Variants in TMEM132B observed in about 807,000 individuals in gnomAD.
TMEM132B encodes transmembrane protein 132B.
Under a neutral mutation model 90.8 loss-of-function variants are expected in TMEM132B, and 18 were observed. The observed-to-expected ratio is 0.20, with a 90% confidence interval of 0.14 to 0.29. The LOEUF (loss-of-function observed/expected upper bound fraction) is 0.29. Among genes scored for constraint, TMEM132B ranks in the 10% least tolerant of loss-of-function variants. The pLI, the probability that TMEM132B is intolerant of heterozygous loss-of-function variation, is 1.00. For synonymous variants in TMEM132B, 504 were observed against 523.3 expected, an observed-to-expected ratio of 0.96 and a Z score of 0.50; for missense variants, 1,096 against 1,326.8, an observed-to-expected ratio of 0.83 and a Z score of 2.70.
chr12:125,489,390 A>G lies in TMEM132B; in HGVS notation c.1107-30049A>G, dbSNP rs1882291914. On this transcript the variant is annotated intron_variant, in intron 3 of 8. Coordinates refer to ENST00000682704, the MANE Select transcript of TMEM132B (RefSeq NM_001366854.1). ...ATTATTTAAAAATTTTTACTTATTT[A>G]TTTTAGTTTTTTTTAAAAATTTACT... Among the ~76,000 whole-genome samples, 4 of 151,884 alleles carry G rather than the reference A, an allele frequency of 2.6e-5. No individual in the cohort carries two copies. The South Asian group carries it at 8.3e-4, about 31-fold the overall frequency.
Position 125,584,841 on chromosome 12 carries a change from G to T in TMEM132B, c.1437+847G>T, listed in dbSNP as rs372332209. The T allele has an allele frequency of 1.2e-4, 19 of 152,300 alleles. No individual in the cohort carries two copies. The East Asian group carries it at 1.4e-3, about 11-fold the overall frequency. 9.4% of individuals were successfully genotyped at this position (152,300 alleles called of 1,614,324 possible). On this transcript the variant is annotated intron_variant, in intron 5 of 8. Transcript: ENST00000682704. ...CAGAGACCTCAGGGAGAAAGGATTT[G>T]AATTTTTAGAATGACTGATCCTTCC... is the stretch of plus-strand genomic sequence containing the variant.
chr12:125,544,500 A>G (rs139544800), intron 4 of TMEM132B, among the ~76,000 whole-genome samples: 3 of 152,296 alleles, frequency 2.0e-5, no homozygotes, highest in East Asian at 1.9e-4. Context: ...TCCATGTACC[A>G]CATTCACTTA....
At chr12:125,363,269 C>T (rs1025549179) in intron 2 of TMEM132B, among the ~76,000 whole-genome samples, 2 of 152,192 alleles carry the variant, frequency 1.3e-5, no homozygotes, top group Admixed American at 6.5e-5. Context: ...TTCACCATCC[C>T]TTACTGATCC....
At chr12:125,573,017 T>C in intron 4 of TMEM132B, among the ~76,000 whole-genome samples, 1 of 152,224 alleles carries the variant, frequency 6.6e-6, no homozygotes, top group East Asian at 1.9e-4. Flanking sequence ...AGCACTTTGT[T>C]ACTTTCTGCC....
intron 1 of TMEM132B, among the ~76,000 whole-genome samples, chr12:125,196,867 G>A (rs1241616136): frequency 6.6e-6 from 1 of 152,128 alleles, no homozygotes; most frequent in Non-Finnish European, 1.5e-5. Context: ...TGCTTGACGC[G>A]ACCAGGGCTC....
At chr12:125,601,679 T>C (rs1437520563) in intron 5 of TMEM132B, among the ~76,000 whole-genome samples, 1 of 152,062 alleles carries the variant, frequency 6.6e-6, no homozygotes, top group Non-Finnish European at 1.5e-5. Context: ...ATCCAGGAGC[T>C]CGATTTTTGA....
chr12:125,419,993 G>A (rs576830553), intron 3 of TMEM132B, among the ~76,000 whole-genome samples: 2 of 152,324 alleles, frequency 1.3e-5, no homozygotes, highest in South Asian at 4.1e-4. Flanking sequence ...GATGCAAAAG[G>A]TAGGTTCCCA....
At chr12:125,401,146 A>G (rs1466741272) in intron 2 of TMEM132B, among the ~76,000 whole-genome samples, 2 of 152,190 alleles carry the variant, frequency 1.3e-5, no homozygotes, top group East Asian at 3.9e-4. Context: ...CTTACTGGGC[A>G]TCTTCAGCCC....
chr12:125,313,012 C>G lies in TMEM132B; in HGVS notation c.68-36440C>G, dbSNP rs182591952. 3.9e-5 allele frequency among the ~76,000 whole-genome samples: 6 copies of G among 152,236 alleles called. No individual in the cohort carries two copies. The East Asian group carries it at 7.7e-4, about 20-fold the overall frequency. Reference sequence around the variant, plus strand: ...GCCTGCACATGCTCAGGATGTGGACCGTGTGCATAATTTTTATTGGACACC... The same window carrying G: ...GCCTGCACATGCTCAGGATGTGGACGGTGTGCATAATTTTTATTGGACACC... On this transcript the variant is annotated intron_variant, in intron 1 of 8. Transcript: ENST00000682704.
chr12:125,633,043 G>T (rs1300393089), intron 5 of TMEM132B, among the ~76,000 whole-genome samples: 4 of 151,918 alleles, frequency 2.6e-5, no homozygotes. Flanking sequence ...TCCTTTTGAG[G>T]CTATTTTCTT....
intron 5 of TMEM132B, among the ~76,000 whole-genome samples, chr12:125,617,159 C>T (rs2136960204): frequency 6.6e-6 from 1 of 152,262 alleles, no homozygotes; most frequent in Non-Finnish European, 1.5e-5. Context: ...GGGTACTGAT[C>T]TCTATGCCCA....
chr12:125,556,666 A>C (rs527293307), intron 4 of TMEM132B, among the ~76,000 whole-genome samples: 8 of 152,230 alleles, frequency 5.3e-5, no homozygotes, highest in Non-Finnish European at 7.3e-5. Context: ...GTATAGCATC[A>C]GGGCGAGCTT....
At chr12:125,641,794 T>C (rs10846934) in intron 5 of TMEM132B, among the ~76,000 whole-genome samples, 15,094 of 152,144 alleles carry the variant, frequency 0.099, 1,212 homozygotes, top group Admixed American at 0.27. Context: ...AGTGATTTGA[T>C]GTGTGATTGG....
At position 125,272,589 on chromosome 12, in the gene TMEM132B, G is replaced by A. The variant is rs1257350525; in HGVS notation, c.68-76863G>A. On this transcript the variant is annotated intron_variant, in intron 1 of 8. Coordinates refer to ENST00000682704, the MANE Select transcript of TMEM132B (RefSeq NM_001366854.1). ...CTTGGATTAAAAAAAAAATAAACTC[G>A]AGTTGGCACCACATCCAAGTGGCAT... Among the ~76,000 whole-genome samples, 6 of 152,178 alleles carry A rather than the reference G, an allele frequency of 3.9e-5. No individual in the cohort carries two copies. The East Asian group carries it at 1.2e-3, about 29-fold the overall frequency.
At chr12:125,454,615 A>C (rs140914268) in intron 3 of TMEM132B, among the ~76,000 whole-genome samples, 1 of 152,264 alleles carries the variant, frequency 6.6e-6, no homozygotes, top group Non-Finnish European at 1.5e-5. Flanking sequence ...CATTTCTGTC[A>C]TCCAGAAATC....
intron 1 of TMEM132B, among the ~76,000 whole-genome samples, chr12:125,249,073 T>C (rs1254393171): frequency 6.6e-6 from 1 of 152,184 alleles, no homozygotes; most frequent in Non-Finnish European, 1.5e-5. Context: ...TCTGGACTTG[T>C]GTTTCTCATG....
intron 1 of TMEM132B, among the ~76,000 whole-genome samples, chr12:125,196,636 G>C (rs1236224447): frequency 6.6e-6 from 1 of 152,190 alleles, no homozygotes; most frequent in Non-Finnish European, 1.5e-5. Context: ...TTGAGCCTGG[G>C]AGGCAGAGTT....
chr12:125,519,492 G>A lies in TMEM132B; in HGVS notation c.1160G>A (p.Ser387Asn), dbSNP rs775189036. 1.9e-6 allele frequency: 3 copies of A among 1,613,908 alleles called. No homozygotes were observed. Among genetic ancestry groups the A allele is most frequent in the Admixed American group, 1.7e-5 (1 of 59,998 alleles). ...CAAGTGGACTTTGGAATTGATAATA[G>A]CAGTGACCTGGCTGGGGCCCAGCAG... is the stretch of plus-strand genomic sequence containing the variant. ...ILQVDFGIDN[S>N]SDLAGAQQIT... The change falls in exon 4 of 9, where the codon AGC (serine) becomes AAC (asparagine). Residue 387 changes from serine to asparagine, a missense_variant. Ser to Asn is a conservative substitution (Grantham distance 46). Transcript: ENST00000682704.
intron 3 of TMEM132B, among the ~76,000 whole-genome samples, chr12:125,479,590 A>G (rs556929226): frequency 6.6e-6 from 1 of 152,372 alleles, no homozygotes; most frequent in South Asian, 2.1e-4. Flanking sequence ...CACCCAATAC[A>G]GGAGCACCCA....
Sources: gnomAD v4.1 joint callset for allele counts (sites outside exome capture counted in the v4.1 genomes callset) on GRCh38, gnomAD v4.1.1 for gene constraint, MANE v1.5 for transcripts, NCBI Gene and HGNC (gene_info 2026-07-23, HGNC 2026-07-21) for gene names.